The following TF variants were observed in gnomAD, a reference collection of about 807,000 sequenced individuals.
The protein encoded by TF is serotransferrin.
In TF, 55 loss-of-function variants were observed where a neutral mutation model predicts 82.4. That is an observed-to-expected ratio of 0.67 (90% CI 0.54 to 0.84). The LOEUF (loss-of-function observed/expected upper bound fraction) is 0.84. Among genes scored for constraint, TF ranks in the 40% least tolerant of loss-of-function variants. The probability of loss-of-function intolerance (pLI) is 0.00; values close to 1 mark genes in which losing one functional copy is unlikely to be tolerated. For missense variants in TF, 737 were observed against 868.4 expected (o/e 0.85, Z 1.90); for synonymous variants, 332 against 332.6 (o/e 1.00, Z 0.02).
the TF span, among the ~76,000 whole-genome samples, chr3:133,719,182 G>A: frequency 0.08 from 12,151 of 152,154 alleles, 653 homozygotes; most frequent in East Asian, 0.26. Context: ...AGACATATAG[G>A]AGTGTGATAA....
At chr3:133,709,838 CT>C in the TF span, among the ~76,000 whole-genome samples, 1 of 152,218 alleles carries the variant, frequency 6.6e-6, no homozygotes, top group South Asian at 2.1e-4. Flanking sequence ...GGTCCTCCTC[CT>C]TCTCATCCTT....
chr3:133,754,736 G>T, intron 4 of TF, 65 bp downstream of exon 4: 1 of 1,536,648 alleles, frequency 6.5e-7, no homozygotes, highest in Non-Finnish European at 9.0e-7. Flanking sequence ...CACACAGGCT[G>T]CACTAGACAG....
Position 133,775,503 on chromosome 3 carries a change from C to T in TF, c.1758C>T (p.Thr586=). ...ATGAGTTGCTGTGCCTTGATGGTAC[C>T]AGGAAACCTGTGGAGGAGTATGCGA... is the stretch of plus-strand genomic sequence containing the variant. ...KDYELLCLDG[T]RKPVEEYANC... is the part of the protein sequence containing the mutation. Residue 586 remains threonine, a synonymous_variant, in exon 15 of 17, where the codon ACC becomes ACT. Coordinates refer to ENST00000402696, the MANE Select transcript of TF (RefSeq NM_001063.4). 6.2e-7 allele frequency: 1 copy of T among 1,614,138 alleles called. No individual in the cohort carries two copies. The highest frequency in any genetic ancestry group is 8.5e-7 in the Non-Finnish European group (1 of 1,180,032).
chr3:133,753,973 A>G, intron 3 of TF: 1 of 565,674 alleles, frequency 1.8e-6, no homozygotes, highest in Non-Finnish European at 3.2e-6. Flanking sequence ...GTGCAGCTTG[A>G]CCTGAAGGCT....
the TF span, among the ~76,000 whole-genome samples, chr3:133,716,457 C>A: frequency 2.6e-5 from 4 of 152,192 alleles, no homozygotes; most frequent in Admixed American, 6.5e-5. Context: ...GCTTTCTGTG[C>A]CTGCCCTTGT....
chr3:133,778,221 A>G (rs1220420280), intron 16 of TF: 1 of 280,378 alleles, frequency 3.6e-6, no homozygotes, highest in Non-Finnish European at 7.0e-6. Context: ...AAACTGGCAC[A>G]TTGCAGGTGC....
In TF at chr3:133,782,958, A is replaced by C. The variant is rs1197627210; in HGVS notation, c.*4338A>C. The C allele has an allele frequency of 2.6e-5, 4 of 152,206 alleles. No individual in the cohort carries two copies. Among genetic ancestry groups the C allele is most frequent in the Admixed American group, 6.5e-5 (1 of 15,276 alleles). 9.4% of individuals were successfully genotyped at this position (152,206 alleles called of 1,614,324 possible). A position where few individuals can be genotyped will look rare whatever the true frequency, so the allele number is the denominator to read the frequency against. Reference sequence around the variant, plus strand: ...ATTGAGCCTGGGAGGTCGAGGCTGCAGTGAGCAGTGATTTGATCGTGCCAC... The same window carrying C: ...ATTGAGCCTGGGAGGTCGAGGCTGCCGTGAGCAGTGATTTGATCGTGCCAC... On this transcript the variant is annotated 3_prime_UTR_variant, in exon 17 of 17. Transcript: ENST00000402696.
At chr3:133,685,153 G>A in the TF span, among the ~76,000 whole-genome samples, 3 of 152,084 alleles carry the variant, frequency 2.0e-5, no homozygotes, top group Non-Finnish European at 4.4e-5. Context: ...AAATTCAACA[G>A]CCCTTCATGC....
In TF at chr3:133,785,193, G is replaced by A. The variant is rs1934633757; in HGVS notation, c.*6573G>A. 2.0e-5 allele frequency: 2 copies of A among 101,310 alleles called. No individual in the cohort carries two copies. Among genetic ancestry groups the A allele is most frequent in the African/African-American group, 3.6e-5 (1 of 27,488 alleles). The allele number at this position is 101,310 out of a possible 1,614,324, so 6.3% of individuals were successfully genotyped here. A position where few individuals can be genotyped will look rare whatever the true frequency, so the allele number is the denominator to read the frequency against. On this transcript the variant is annotated 3_prime_UTR_variant, in exon 17 of 17. Coordinates refer to ENST00000402696, the MANE Select transcript of TF (RefSeq NM_001063.4). ...AGGTGGGGGGGTCAGCCCTCCGCCC[G>A]GCCAGCCGCCCCGTCTGGGAGGTGA...
intron 15 of TF, 113 bp from the exon 16 acceptor site, chr3:133,776,936 G>A (rs578142019): frequency 3.2e-5 from 31 of 957,070 alleles, no homozygotes; most frequent in East Asian, 1.5e-4. Context: ...GACATACTCC[G>A]TAGCTTCCCT....
At chr3:133,712,187 G>C in the TF span, among the ~76,000 whole-genome samples, 1 of 152,168 alleles carries the variant, frequency 6.6e-6, no homozygotes, top group African/African-American at 2.4e-5. Flanking sequence ...TTTTCAAGAG[G>C]GCAGAGCCTG....
chr3:133,690,897 C>A, the TF span, among the ~76,000 whole-genome samples: 11 of 152,068 alleles, frequency 7.2e-5, no homozygotes, highest in Non-Finnish European at 8.8e-5. Context: ...GCCTTCTTGC[C>A]CTTTTACCTG....
chr3:133,767,498 T>G (rs1246162969), intron 12 of TF, among the ~76,000 whole-genome samples: 3 of 152,136 alleles, frequency 2.0e-5, no homozygotes, highest in African/African-American at 7.2e-5. Context: ...GTGGCCAAGG[T>G]GACATTCAGA....
the TF span, among the ~76,000 whole-genome samples, chr3:133,730,254 T>C: frequency 1.3e-5 from 2 of 151,902 alleles, no homozygotes; most frequent in Non-Finnish European, 2.9e-5. Flanking sequence ...TACCCAGGAG[T>C]TTCTGGGGAC....
At chr3:133,706,631 T>C in the TF span, among the ~76,000 whole-genome samples, 1 of 152,126 alleles carries the variant, frequency 6.6e-6, no homozygotes, top group African/African-American at 2.4e-5. Context: ...ACTGCTGTGA[T>C]AGAGAATTCC....
At chr3:133,763,549 A>T (rs1934048354) in intron 9 of TF, among the ~76,000 whole-genome samples, 1 of 152,164 alleles carries the variant, frequency 6.6e-6, no homozygotes, top group African/African-American at 2.4e-5. Flanking sequence ...ATTTTGTCCA[A>T]ATAGTTGCCC....
At chr3:133,749,259 AG>A (rs1364656037) in intron 2 of TF, among the ~76,000 whole-genome samples, 1 of 152,194 alleles carries the variant, frequency 6.6e-6, no homozygotes, top group Admixed American at 6.5e-5. Context: ...TGATGCATGC[AG>A]GGGGAAGAGT....
At chr3:133,698,311 A>G in the TF span, among the ~76,000 whole-genome samples, 51 of 152,328 alleles carry the variant, frequency 3.3e-4, no homozygotes, top group East Asian at 8.3e-3. Flanking sequence ...AAGAACCTGG[A>G]CAACTCACAG....
At chr3:133,705,953 G>T in the TF span, among the ~76,000 whole-genome samples, 1 of 152,196 alleles carries the variant, frequency 6.6e-6, no homozygotes, top group African/African-American at 2.4e-5. Flanking sequence ...GTTGGCAAAG[G>T]ACTCCTGTTT....
Sources: allele counts gnomAD v4.1 joint callset (sites outside exome capture counted in the v4.1 genomes callset), GRCh38; gene constraint gnomAD v4.1.1; transcripts MANE v1.5; gene names NCBI Gene and HGNC (gene_info 2026-07-23, HGNC 2026-07-21).